Variants in RO60 observed in about 807,000 individuals in gnomAD.
RO60 encodes the protein RNA-binding protein RO60.
In RO60, 20 loss-of-function variants were observed where a neutral mutation model predicts 55.3. The ratio of observed to expected loss-of-function variants is 0.36; its 90% CI spans 0.25 to 0.53. The LOEUF (loss-of-function observed/expected upper bound fraction) is 0.53. RO60 is among the 20% of genes least tolerant of loss of function. The pLI, the probability that RO60 is intolerant of heterozygous loss-of-function variation, is 0.92. For missense variants in RO60, 558 were observed against 646.6 expected (o/e 0.86, Z 1.49); for synonymous variants, 213 against 213.6 (o/e 1.00, Z 0.02).
chr1:193,091,758 T>A, downstream of RO60: 1 of 1,277,366 alleles, frequency 7.8e-7, no homozygotes, highest in Non-Finnish European at 1.1e-6. Context: ...ATGTACCAAA[T>A]AAACTCTATG....
At position 193,082,228 on chromosome 1, in the gene RO60, T is replaced by A; in HGVS notation, c.1246T>A (p.Ser416Thr). 6.2e-7 allele frequency: 1 copy of A among 1,613,484 alleles called. No individual in the cohort carries two copies. The highest frequency in any genetic ancestry group is 8.5e-7 in the Non-Finnish European group (1 of 1,179,710). The part of the protein sequence containing the change: ...TEKDSYVVAF[S>T]DEMVPCPVTT... ...AAAAGATTCTTATGTAGTTGCTTTTTCCGATGAAATGGTACCATGTCCAGT... is the reference window on the plus strand; with the variant it reads ...AAAAGATTCTTATGTAGTTGCTTTTACCGATGAAATGGTACCATGTCCAGT... The change falls in exon 7 of 9, where the codon TCC becomes ACC. Residue 416 changes from serine (S) to threonine (T), a missense_variant. Physicochemically the swap from Ser to Thr is moderately conservative, Grantham distance 58. Transcript: ENST00000400968.
At chr1:193,081,594 T>G in intron 6 of RO60, 114 bp downstream of exon 6, 1 of 603,012 alleles carries the variant, frequency 1.7e-6, no homozygotes, top group Non-Finnish European at 2.9e-6. Flanking sequence ...TCATTTCAGC[T>G]TGTCACATTT....
chr1:193,084,583 T>C lies in RO60; in HGVS notation c.1469T>C (p.Met490Thr). 1 of 1,609,246 alleles carries C rather than the reference T, an allele frequency of 6.2e-7. No homozygotes were observed. The highest frequency in any genetic ancestry group is 8.5e-7 in the Non-Finnish European group (1 of 1,178,574). ...AIALREYRKKMDIPAKLIVCG... is the reference protein window; with the variant it reads ...AIALREYRKKTDIPAKLIVCG... Reference sequence around the variant, plus strand: ...TATTTTGGTCTTTTTCTACAGAAAATGGATATTCCAGCTAAATTGATTGTT... The same window carrying C: ...TATTTTGGTCTTTTTCTACAGAAAACGGATATTCCAGCTAAATTGATTGTT... Residue 490 changes from methionine to threonine, a missense_variant, in exon 9 of 9, where the codon ATG becomes ACG. Physicochemically the swap from Met to Thr is moderately conservative, Grantham distance 81. Transcript: ENST00000400968.
intron 1 of RO60, among the ~76,000 whole-genome samples, chr1:193,068,585 C>G (rs2103030984): frequency 6.6e-6 from 1 of 152,324 alleles, no homozygotes; most frequent in East Asian, 1.9e-4. Flanking sequence ...GCCCTCCCTT[C>G]TTTTATTCTC....
intron 5 of RO60, among the ~76,000 whole-genome samples, chr1:193,080,847 CA>C (rs1334659606): frequency 6.6e-6 from 1 of 152,072 alleles, no homozygotes; most frequent in Non-Finnish European, 1.5e-5. Flanking sequence ...TAGAAGTTGC[CA>C]GGGGCTAGGG....
chr1:193,066,022 A>G (rs959746000), intron 1 of RO60, among the ~76,000 whole-genome samples: 11 of 152,078 alleles, frequency 7.2e-5, no homozygotes, highest in Admixed American at 7.2e-4. Context: ...ACTTCTCCAC[A>G]TACCATTTGG....
intron 5 of RO60, among the ~76,000 whole-genome samples, chr1:193,078,524 T>C (rs190212386): frequency 2.0e-5 from 3 of 152,278 alleles, no homozygotes; most frequent in Admixed American, 2.0e-4. Context: ...AACAAATGAA[T>C]TCAGCAAAGT....
chr1:193,074,046 G>A (rs968658859), intron 2 of RO60, among the ~76,000 whole-genome samples: 1 of 152,032 alleles, frequency 6.6e-6, no homozygotes, highest in African/African-American at 2.4e-5. Context: ...CTTCATCCAT[G>A]TCCCTACAAA....
rs1673342989 is a variant in RO60, at chr1:193,069,595, G to A, written c.541G>A (p.Asp181Asn). The A allele has an allele frequency of 6.2e-7, 1 of 1,613,720 alleles. No homozygotes were observed. The highest frequency in any genetic ancestry group is 1.3e-5 in the African/African-American group (1 of 74,892). The change falls in exon 2 of 9, where the codon GAT (aspartate) becomes AAT (asparagine). Residue 181 changes from aspartate (D) to asparagine (N), a missense_variant. Transcript: ENST00000400968. ...ACAGAGAAATGGCTGGTCTCACAAA[G>A]ATCTATTAAGATTGTCACATCTTAA... ...YKQRNGWSHKDLLRLSHLKPS... is the reference protein window; with the variant it reads ...YKQRNGWSHKNLLRLSHLKPS...
chr1:193,062,015 A>C (rs980699845), intron 1 of RO60, among the ~76,000 whole-genome samples: 1 of 152,048 alleles, frequency 6.6e-6, no homozygotes, highest in Non-Finnish European at 1.5e-5. Context: ...CATGCTTTTA[A>C]TATTATAGTA....
chr1:193,068,861 G>T (rs969390696), intron 1 of RO60, among the ~76,000 whole-genome samples, 173 bp from the exon 2 acceptor site: 4 of 152,112 alleles, frequency 2.6e-5, no homozygotes, highest in African/African-American at 9.7e-5. Context: ...TGCCTTTCCT[G>T]ATTTTTCTTC....
chr1:193,083,677 G>A (rs1674472525), intron 8 of RO60, among the ~76,000 whole-genome samples: 8 of 152,254 alleles, frequency 5.3e-5, no homozygotes, highest in Admixed American at 4.6e-4. Context: ...TTGGGACTGT[G>A]TTTTAACAAG....
At chr1:193,060,015 T>C in intron 1 of RO60, 1 of 1,358,638 alleles carries the variant, frequency 7.4e-7, no homozygotes, top group South Asian at 1.1e-5. Context: ...GGGTGGGCCC[T>C]TTCCGAAGCC....
intron 1 of RO60, among the ~76,000 whole-genome samples, chr1:193,063,399 A>G (rs1460894971): frequency 6.6e-6 from 1 of 151,950 alleles, no homozygotes; most frequent in Non-Finnish European, 1.5e-5. Context: ...GCCTATTTTT[A>G]CTTGGGTTAT....
At chr1:193,079,728 C>G (rs1164087376) in intron 5 of RO60, among the ~76,000 whole-genome samples, 3 of 151,994 alleles carry the variant, frequency 2.0e-5, no homozygotes, top group African/African-American at 7.3e-5. Flanking sequence ...GGCCTAATAT[C>G]CAGAATACTG....
chr1:193,083,439 T>A (rs1478433262), intron 8 of RO60, among the ~76,000 whole-genome samples: 1 of 152,228 alleles, frequency 6.6e-6, no homozygotes, highest in East Asian at 1.9e-4. Context: ...CTTTCTGAAA[T>A]GACATAAATC....
chr1:193,070,658 G>A (rs1336668185), intron 2 of RO60: 4 of 411,074 alleles, frequency 9.7e-6, no homozygotes, highest in Non-Finnish European at 9.8e-6. Flanking sequence ...TCTATTAAAA[G>A]GAGGGTAAGG....
At chr1:193,077,219 A>G (rs932359899) in intron 5 of RO60, among the ~76,000 whole-genome samples, 169 bp downstream of exon 5, 6 of 152,188 alleles carry the variant, frequency 3.9e-5, no homozygotes, top group African/African-American at 1.2e-4. Flanking sequence ...TGTAAGTTTA[A>G]GAGTAAAGTA....
chr1:193,060,284 T>G (rs554324583), intron 1 of RO60: 4 of 351,696 alleles, frequency 1.1e-5, no homozygotes, highest in South Asian at 5.0e-5. Context: ...GAAAATTAGG[T>G]TGAAAACAAA....
Sources: allele counts gnomAD v4.1 joint callset (sites outside exome capture counted in the v4.1 genomes callset), GRCh38; gene constraint gnomAD v4.1.1; transcripts MANE v1.5; gene names NCBI Gene and HGNC (gene_info 2026-07-23, HGNC 2026-07-21).